TAF1: variants seen among roughly 807,000 people sequenced by gnomAD.
TAF1 encodes transcription initiation factor TFIID subunit 1.
In TAF1, 2 loss-of-function variants were observed where a neutral mutation model predicts 138.5. The ratio of observed to expected loss-of-function variants is 0.01; its 90% CI spans 0.01 to 0.05. TAF1 has a LOEUF of 0.05. Among genes scored for constraint, TAF1 ranks in the 10% least tolerant of loss-of-function variants. TAF1 has a pLI of 1.00. For missense variants in TAF1, 709 were observed against 1,478.0 expected (o/e 0.48, Z 8.53); for synonymous variants, 437 against 503.2 (o/e 0.87, Z 1.76).
intron 25 of TAF1, among the ~76,000 whole-genome samples, chrX:71,402,169 A>G (rs754790391): frequency 2.0e-4 from 22 of 111,991 alleles, no homozygotes; most frequent in African/African-American, 6.5e-4. Context: ...TCCAGGCTGG[A>G]GTGCAGTGGC....
At chrX:71,399,567 C>CTTTT (rs35622645) in intron 24 of TAF1, among the ~76,000 whole-genome samples, 1 of 28,940 alleles carries the variant, frequency 3.5e-5, no homozygotes, top group Admixed American at 7.0e-4. Context: ...GTTATTTATT[C>CTTTT]TTTTTTTTTT....
chrX:71,436,472 C>T (rs2037151886), intron 32 of TAF1, among the ~76,000 whole-genome samples: 1 of 109,114 alleles, frequency 9.2e-6, no homozygotes, highest in African/African-American at 3.3e-5. Context: ...GCCTCGGCCT[C>T]CCAAAGTGTT....
intron 34 of TAF1, among the ~76,000 whole-genome samples, chrX:71,457,947 A>G (rs28382206): frequency 0.031 from 3,495 of 112,641 alleles, 105 homozygotes; most frequent in African/African-American, 0.094. Context: ...GACAAGGCTT[A>G]GAAAAAAACT....
At chrX:71,421,472 A>G in intron 29 of TAF1, 96 bp downstream of exon 29, 1 of 733,721 alleles carries the variant, frequency 1.4e-6, no homozygotes, top group Non-Finnish European at 2.1e-6. Flanking sequence ...AAGGAAAAAT[A>G]TATGCGGGAG....
intron 28 of TAF1, among the ~76,000 whole-genome samples, chrX:71,409,018 A>C (rs2035627906): frequency 9.1e-6 from 1 of 110,035 alleles, no homozygotes; most frequent in Non-Finnish European, 1.9e-5. Flanking sequence ...CGTCTCAAAA[A>C]AAAAAAAAAA....
At chrX:71,453,066 G>C (rs1242173887) in intron 32 of TAF1, among the ~76,000 whole-genome samples, 3 of 110,713 alleles carry the variant, frequency 2.7e-5, no homozygotes, top group Non-Finnish European at 5.7e-5. Flanking sequence ...AGAGGGAGAG[G>C]GAGACCGTGG....
intron 33 of TAF1, 131 bp downstream of exon 33, chrX:71,454,368 G>C: frequency 3.7e-6 from 2 of 542,996 alleles, no homozygotes; most frequent in Non-Finnish European, 5.8e-6. Flanking sequence ...ACTCGTCTGA[G>C]GTAGGAGAAT....
chrX:71,375,414 C>A, intron 4 of TAF1, 128 bp downstream of exon 4: 1 of 896,582 alleles, frequency 1.1e-6, no homozygotes, highest in Non-Finnish European at 1.5e-6. Flanking sequence ...ATAATTCATA[C>A]AATCGCAAAT....
At chrX:71,409,991 C>T (rs1555981537) in intron 28 of TAF1, among the ~76,000 whole-genome samples, 1 of 109,275 alleles carries the variant, frequency 9.2e-6, no homozygotes, top group African/African-American at 3.3e-5. Context: ...CTCCCAGGTT[C>T]CAGTGATTTT....
chrX:71,387,075 G>A (rs2034274019), intron 14 of TAF1, 186 bp from the exon 15 acceptor site: 1 of 458,127 alleles, frequency 2.2e-6, no homozygotes, highest in South Asian at 3.5e-5. Flanking sequence ...GACTCTGAAA[G>A]ATAGTGGATG....
intron 13 of TAF1, among the ~76,000 whole-genome samples, chrX:71,512,044 G>T (rs1466581708): frequency 9.2e-6 from 1 of 109,032 alleles, no homozygotes; most frequent in African/African-American, 3.3e-5. Context: ...GCTGGGCACT[G>T]TGGCTTACAC....
intron 25 of TAF1, among the ~76,000 whole-genome samples, chrX:71,402,388 G>A (rs1299319949): frequency 8.9e-6 from 1 of 112,257 alleles, no homozygotes; most frequent in African/African-American, 3.2e-5. Flanking sequence ...GATTACAGGC[G>A]TGCTGGGATT....
intron 32 of TAF1, among the ~76,000 whole-genome samples, chrX:71,435,038 G>T (rs2037071429): frequency 8.9e-6 from 1 of 112,451 alleles, no homozygotes; most frequent in African/African-American, 3.2e-5. Context: ...AATAGGTGAT[G>T]CTGAGCTAGT....
intron 37 of TAF1, among the ~76,000 whole-genome samples, chrX:71,462,370 G>C (rs1010817337): frequency 9.0e-6 from 1 of 111,379 alleles, no homozygotes; most frequent in African/African-American, 3.3e-5. Flanking sequence ...AAGGTCAAGA[G>C]ATCTAGACCA....
intron 6 of TAF1, 170 bp downstream of exon 6, chrX:71,377,991 G>A (rs2033603499): frequency 2.8e-6 from 2 of 708,943 alleles, no homozygotes; most frequent in South Asian, 3.0e-5. Context: ...CTTCCCTATT[G>A]TAAAAGAAAA....
chrX:71,438,669 C>G (rs2037265203), intron 32 of TAF1, among the ~76,000 whole-genome samples: 1 of 112,100 alleles, frequency 8.9e-6, no homozygotes, highest in African/African-American at 3.2e-5. Flanking sequence ...ACCATTCTTT[C>G]CTCACAACAG....
downstream of TAF1, among the ~76,000 whole-genome samples, chrX:71,469,069 A>G (rs1236127215): frequency 2.7e-5 from 3 of 112,715 alleles, no homozygotes; most frequent in Non-Finnish European, 5.6e-5. Context: ...TTGGAAGGCC[A>G]AGGCGGGAGG....
Position 71,459,542 on chromosome X carries a change from T to A in TAF1, c.5065-10T>A, listed in dbSNP as rs1247997114. 1.7e-6 allele frequency: 2 copies of A among 1,210,063 alleles called. No individual in the cohort carries two copies. Among genetic ancestry groups the A allele is most frequent in the South Asian group, 3.5e-5 (2 of 56,770 alleles). On this transcript the variant is annotated splice_polypyrimidine_tract_variant and intron_variant, in intron 35 of 37. Coordinates refer to ENST00000423759, the MANE Select transcript of TAF1 (RefSeq NM_004606.5). ...TGATAGGACTTTGACCCCCAACTGG[T>A]CTCATTCAGGAAGGTGAAGATGGAG...
At position 71,397,277 on chromosome X, in the gene TAF1, A is replaced by G. The variant is rs2034910124; in HGVS notation, c.3431A>G (p.Asn1144Ser). Residue 1144 changes from asparagine (N) to serine (S), a missense_variant, in exon 23 of 38, where the codon AAC becomes AGC. Physicochemically the swap from Asn to Ser is conservative, Grantham distance 46. Transcript: ENST00000423759. ...GCAGCAGGCTCAGCAGCATCCGGAAACAATCACAGAGATGATGACACAGCT... is the reference window on the plus strand; with the variant it reads ...GCAGCAGGCTCAGCAGCATCCGGAAGCAATCACAGAGATGATGACACAGCT... ...LLAAGSAASG[N>S]NHRDDDTASV... 1 of 1,211,431 alleles carries G rather than the reference A, an allele frequency of 8.3e-7. No homozygotes were observed. The highest frequency in any genetic ancestry group is 1.1e-6 in the Non-Finnish European group (1 of 895,500).
Sources: gnomAD v4.1 joint callset for allele counts (sites outside exome capture counted in the v4.1 genomes callset) on GRCh38, gnomAD v4.1.1 for gene constraint, MANE v1.5 for transcripts, NCBI Gene and HGNC (gene_info 2026-07-23, HGNC 2026-07-21) for gene names.